GRIA1: variants seen among roughly 807,000 people sequenced by gnomAD.
The protein encoded by GRIA1 is glutamate ionotropic receptor AMPA type subunit 1.
Under a neutral mutation model 99.2 loss-of-function variants are expected in GRIA1, and 31 were observed. The ratio of observed to expected loss-of-function variants is 0.31; its 90% CI spans 0.23 to 0.42. GRIA1 has a LOEUF of 0.42. Among genes scored for constraint, GRIA1 ranks in the 10% least tolerant of loss-of-function variants. The probability of loss-of-function intolerance (pLI) is 1.00; values close to 1 mark genes in which losing one functional copy is unlikely to be tolerated. For synonymous variants in GRIA1, 438 were observed against 432.4 expected, an observed-to-expected ratio of 1.01 and a Z score of -0.16; for missense variants, 782 against 1,157.5, an observed-to-expected ratio of 0.68 and a Z score of 4.71.
chr5:153,712,001 G>A (rs935817005), intron 11 of GRIA1, among the ~76,000 whole-genome samples: 4 of 152,080 alleles, frequency 2.6e-5, no homozygotes. Flanking sequence ...TGGTGCTTTG[G>A]AGGTCTCCTG....
chr5:153,665,954 T>A (rs62384415), intron 5 of GRIA1, among the ~76,000 whole-genome samples: 2,914 of 152,254 alleles, frequency 0.019, 41 homozygotes, highest in Non-Finnish European at 0.031. Context: ...ATCAATCAAC[T>A]AATGGCTATA....
At chr5:153,556,126 A>G (rs1271859135) in intron 2 of GRIA1, among the ~76,000 whole-genome samples, 7 of 152,208 alleles carry the variant, frequency 4.6e-5, no homozygotes, top group African/African-American at 1.7e-4. Flanking sequence ...TGGTGAAATG[A>G]GTAGTATGTG....
At chr5:153,625,247 G>T (rs1486718006) in intron 2 of GRIA1, among the ~76,000 whole-genome samples, 1 of 152,188 alleles carries the variant, frequency 6.6e-6, no homozygotes, top group Non-Finnish European at 1.5e-5. Flanking sequence ...TGGTTGTGAG[G>T]AGATTTGATT....
At chr5:153,489,725 G>C (rs1753738898), upstream of GRIA1, 2 of 453,806 alleles carry the variant, frequency 4.4e-6, no homozygotes, top group African/African-American at 4.0e-5. Context: ...TGGTCTAGGA[G>C]AGTCTATGAA....
At chr5:153,568,969 G>C (rs1477393043) in intron 2 of GRIA1, among the ~76,000 whole-genome samples, 1 of 151,940 alleles carries the variant, frequency 6.6e-6, no homozygotes, top group African/African-American at 2.4e-5. Flanking sequence ...TGCCTTCAAG[G>C]CTCTGCTGAA....
chr5:153,584,836 G>A (rs1294383750), intron 2 of GRIA1, among the ~76,000 whole-genome samples: 1 of 152,124 alleles, frequency 6.6e-6, no homozygotes. Flanking sequence ...TACCAGATTG[G>A]GTTAAACAAA....
rs1340421991 is a variant in GRIA1 at position 153,813,143 on chromosome 5, C to T, written c.*1918C>T. On this transcript the variant is annotated 3_prime_UTR_variant, in exon 16 of 16. Transcript: ENST00000285900. ...TGACTCAAGTGTTGTTGTTCAGTCT[C>T]TCGCGTGTCAATGTGGTCATGGTTC... The T allele has an allele frequency of 6.6e-6, 1 of 152,214 alleles. No homozygotes were observed. The highest frequency in any genetic ancestry group is 1.5e-5 in the Non-Finnish European group (1 of 68,052). 9.4% of individuals were successfully genotyped at this position (152,214 alleles called of 1,614,324 possible). A position where few individuals can be genotyped will look rare whatever the true frequency, so the allele number is the denominator to read the frequency against.
intron 14 of GRIA1, among the ~76,000 whole-genome samples, chr5:153,800,075 G>T (rs1329905448): frequency 1.3e-5 from 2 of 152,174 alleles, no homozygotes; most frequent in Non-Finnish European, 2.9e-5. Context: ...AAAACAGCTT[G>T]GTGACCAAAG....
intron 2 of GRIA1, among the ~76,000 whole-genome samples, chr5:153,508,767 G>T (rs890968966): frequency 3.3e-5 from 5 of 152,152 alleles, no homozygotes; most frequent in African/African-American, 1.2e-4. Context: ...AATCTCAGTG[G>T]TTTATAACAA....
intron 5 of GRIA1, among the ~76,000 whole-genome samples, chr5:153,674,030 C>G (rs1412236628): frequency 6.6e-6 from 1 of 152,222 alleles, no homozygotes; most frequent in African/African-American, 2.4e-5. Flanking sequence ...TTCCTCTTCT[C>G]TCAAAATGGT....
At chr5:153,625,383 G>A (rs11748500) in intron 2 of GRIA1, among the ~76,000 whole-genome samples, 35,382 of 152,146 alleles carry the variant, frequency 0.23, 4,529 homozygotes, top group Non-Finnish European at 0.3. Context: ...TCTAGCCCCA[G>A]CATTCAAGGA....
chr5:153,577,525 T>C (rs1267621056), intron 2 of GRIA1, among the ~76,000 whole-genome samples: 1 of 151,856 alleles, frequency 6.6e-6, no homozygotes, highest in African/African-American at 2.4e-5. Flanking sequence ...CTCCTTTAGT[T>C]GAGAAAAATA....
At chr5:153,626,464 GTGTGTGTGTGTGTGTGTGTGTGTA>G (rs1409581286) in intron 2 of GRIA1, among the ~76,000 whole-genome samples, 10 of 150,080 alleles carry the variant, frequency 6.7e-5, no homozygotes, top group African/African-American at 2.5e-4. Flanking sequence ...GTGTGTGTGT[GTGTGTGTGTGTGTGTGTGTGTGTA>G]TGTGTTGTGC....
chr5:153,559,879 A>G (rs962666690), intron 2 of GRIA1, among the ~76,000 whole-genome samples: 7 of 152,098 alleles, frequency 4.6e-5, no homozygotes, highest in African/African-American at 1.7e-4. Flanking sequence ...TACTTCCTTG[A>G]GTTCACTCCT....
At chr5:153,697,164 C>T (rs992181016) in intron 8 of GRIA1, among the ~76,000 whole-genome samples, 9 of 152,218 alleles carry the variant, frequency 5.9e-5, no homozygotes, top group Non-Finnish European at 1.2e-4. Context: ...CCTCCTGTTG[C>T]ATTTTTCCCT....
Position 153,686,892 on chromosome 5 carries a change from C to T in GRIA1, c.1134+563C>T, listed in dbSNP as rs1581469884. Among the ~76,000 whole-genome samples, 6 of 152,320 alleles carry T rather than the reference C, an allele frequency of 3.9e-5. No individual in the cohort carries two copies. In the East Asian group the frequency reaches 1.2e-3, roughly 29 times the overall value. On this transcript the variant is annotated intron_variant, in intron 8 of 15. Transcript: ENST00000285900. ...TACCAGAACCTATGTGCCCGGGCCT[C>T]TGCCGATTTCTTCACCCTTAACCCT... is the stretch of plus-strand genomic sequence containing the variant.
chr5:153,538,845 C>T (rs1201542184), intron 2 of GRIA1, among the ~76,000 whole-genome samples: 2 of 152,220 alleles, frequency 1.3e-5, no homozygotes, highest in Non-Finnish European at 2.9e-5. Context: ...CATTTGTCCT[C>T]ATTCCTCTGG....
At chr5:153,725,986 G>T (rs1267509721) in intron 11 of GRIA1, among the ~76,000 whole-genome samples, 7 of 144,762 alleles carry the variant, frequency 4.8e-5, no homozygotes, top group Non-Finnish European at 9.0e-5. Context: ...CCACATAGTT[G>T]GAAGTAAAGC....
intron 2 of GRIA1, among the ~76,000 whole-genome samples, chr5:153,613,611 A>G (rs1766199086): frequency 6.6e-6 from 1 of 151,188 alleles, no homozygotes; most frequent in Non-Finnish European, 1.5e-5. Context: ...TTTATAGTCT[A>G]TTAAGTTGGT....
Sources: allele counts gnomAD v4.1 joint callset (sites outside exome capture counted in the v4.1 genomes callset), GRCh38; gene constraint gnomAD v4.1.1; transcripts MANE v1.5; gene names NCBI Gene and HGNC (gene_info 2026-07-23, HGNC 2026-07-21).